The following EFCAB6 variants were observed in gnomAD, a reference collection of about 807,000 sequenced individuals.
EFCAB6 encodes EF-hand calcium-binding domain-containing protein 6.
Under a neutral mutation model 169.8 loss-of-function variants are expected in EFCAB6, and 156 were observed. The ratio of observed to expected loss-of-function variants is 0.92; its 90% CI spans 0.81 to 1.05. EFCAB6 has a LOEUF of 1.05. Among genes scored for constraint, EFCAB6 ranks in the 50% least tolerant of loss-of-function variants. EFCAB6 has a pLI of 0.00. For missense variants in EFCAB6, 1,800 were observed against 1,829.1 expected, an observed-to-expected ratio of 0.98 and a Z score of 0.29; for synonymous variants, 698 against 676.4, an observed-to-expected ratio of 1.03 and a Z score of -0.50.
At chr22:43,561,778 G>C (rs1243581778) in intron 26 of EFCAB6, among the ~76,000 whole-genome samples, 2 of 152,084 alleles carry the variant, frequency 1.3e-5, no homozygotes, top group Non-Finnish European at 2.9e-5. Flanking sequence ...ATATCTGAAT[G>C]GGGGAAAAAA....
At chr22:43,621,573 A>G (rs1018088877) in intron 20 of EFCAB6, among the ~76,000 whole-genome samples, 1 of 152,196 alleles carries the variant, frequency 6.6e-6, no homozygotes, top group Non-Finnish European at 1.5e-5. Context: ...GGGGAAATAC[A>G]TTACATTAAC....
At chr22:43,595,910 G>A (rs1362440500) in intron 23 of EFCAB6, among the ~76,000 whole-genome samples, 1 of 152,090 alleles carries the variant, frequency 6.6e-6, no homozygotes, top group Non-Finnish European at 1.5e-5. Context: ...TGATCAAGTG[G>A]AATTCATCCC....
chr22:43,723,396 C>G (rs1348506542), intron 8 of EFCAB6, among the ~76,000 whole-genome samples: 1 of 152,066 alleles, frequency 6.6e-6, no homozygotes, highest in Non-Finnish European at 1.5e-5. Context: ...GTGCAGTATA[C>G]CTGTGTAACA....
chr22:43,677,795 T>G (rs2057829778), intron 13 of EFCAB6, among the ~76,000 whole-genome samples: 1 of 151,944 alleles, frequency 6.6e-6, no homozygotes, highest in South Asian at 2.1e-4. Context: ...GAAACGTCAA[T>G]TACCATCCTT....
In EFCAB6 at chr22:43,554,664, G is replaced by A. The variant is rs8139978; in HGVS notation, c.3648+205C>T. 5.6e-4 allele frequency: 332 copies of A among 590,142 alleles called. 3 individuals carry two copies. Among genetic ancestry groups the A allele is most frequent in the African/African-American group, 5.5e-3 (298 of 53,818 alleles). 36.6% of individuals were successfully genotyped at this position (590,142 alleles called of 1,614,324 possible). A position where few individuals can be genotyped will look rare whatever the true frequency, so the allele number is the denominator to read the frequency against. Reference sequence around the variant, plus strand: ...TTTAAAGGCAACAGTGACAGTATTTGTACCCTGATGAAAATGGTGTAATTT... The same window carrying A: ...TTTAAAGGCAACAGTGACAGTATTTATACCCTGATGAAAATGGTGTAATTT... On this transcript the variant is annotated intron_variant, in intron 27 of 31. Transcript: ENST00000262726.
At chr22:43,596,465 A>C (rs759956807) in intron 23 of EFCAB6, among the ~76,000 whole-genome samples, 5 of 152,044 alleles carry the variant, frequency 3.3e-5, no homozygotes, top group Non-Finnish European at 5.9e-5. Context: ...TGATCAATCC[A>C]AAAAAGAAAT....
intron 24 of EFCAB6, among the ~76,000 whole-genome samples, chr22:43,581,448 C>T (rs768665732): frequency 5.3e-5 from 8 of 152,304 alleles, no homozygotes; most frequent in Non-Finnish European, 1.0e-4. Context: ...ATCTCCTTGA[C>T]TCTGACACAG....
At chr22:43,770,984 G>C (rs2061451293) in intron 4 of EFCAB6, among the ~76,000 whole-genome samples, 1 of 152,002 alleles carries the variant, frequency 6.6e-6, no homozygotes, top group Non-Finnish European at 1.5e-5. Context: ...TAGAATTTGG[G>C]AATGCCTGAA....
chr22:43,586,340 A>ATTTTTTTTTTTTTTTTTT lies in EFCAB6; in HGVS notation c.3032+3716_3032+3733dup, dbSNP rs36058832. Among the ~76,000 whole-genome samples, 278 of 72,906 alleles carry ATTTTTTTTTTTTTTTTTT rather than the reference A, an allele frequency of 3.8e-3. 25 individuals are homozygous for ATTTTTTTTTTTTTTTTTT. Among genetic ancestry groups the ATTTTTTTTTTTTTTTTTT allele is most frequent in the Middle Eastern group, 0.012 (1 of 86 alleles). 47.8% of individuals were successfully genotyped at this position (72,906 alleles called of 152,430 possible). On this transcript the variant is annotated intron_variant, in intron 24 of 31. Transcript: ENST00000262726. ...ACTGTAAACTCTTGAGCAACAACTG[A>ATTTTTTTTTTTTTTTTTT]TTTTTTTTTTTTTTTTTTTTTTTTT...
chr22:43,782,423 A>T, intron 2 of EFCAB6, 98 bp from the exon 3 acceptor site: 2 of 1,052,918 alleles, frequency 1.9e-6, no homozygotes, highest in Non-Finnish European at 2.8e-6. Flanking sequence ...GGACAGCTGC[A>T]GAGTGTAAAA....
At chr22:43,704,177 T>A (rs1163442974) in intron 10 of EFCAB6, among the ~76,000 whole-genome samples, 1 of 152,034 alleles carries the variant, frequency 6.6e-6, no homozygotes, top group Admixed American at 6.5e-5. Context: ...ATCAGCAGAT[T>A]TCTCCACAGA....
At chr22:43,638,112 G>A (rs1271104045) in intron 17 of EFCAB6, among the ~76,000 whole-genome samples, 1 of 152,170 alleles carries the variant, frequency 6.6e-6, no homozygotes, top group Non-Finnish European at 1.5e-5. Flanking sequence ...CGCTGCAAGT[G>A]CCATTCCCAG....
rs539552442 is a variant in EFCAB6, at chr22:43,657,457, GTTTTGGAAAT to G, written c.1983+9637_1983+9646del. ...AAAAAAACACTAGAAAATCCCAACTGTTTTGGAAATTAAATACATTTTAAAAATAAACCAT... is the reference window on the plus strand; with the variant it reads ...AAAAAAACACTAGAAAATCCCAACTGTAAATACATTTTAAAAATAAACCAT... On this transcript the variant is annotated intron_variant, in intron 17 of 31. Transcript: ENST00000262726. Among the ~76,000 whole-genome samples, 432 of 150,378 alleles carry G rather than the reference GTTTTGGAAAT, an allele frequency of 2.9e-3. 2 individuals are homozygous for G. Among genetic ancestry groups the G allele is most frequent in the Middle Eastern group, 0.028 (8 of 290 alleles).
chr22:43,752,116 A>ATTTTTTTTT (rs33992120), intron 6 of EFCAB6, among the ~76,000 whole-genome samples: 1 of 123,454 alleles, frequency 8.1e-6, no homozygotes, highest in Non-Finnish European at 1.6e-5. Flanking sequence ...TCTCCTTTCC[A>ATTTTTTTTT]TTTTTTTTTT....
intron 5 of EFCAB6, among the ~76,000 whole-genome samples, chr22:43,761,706 A>T (rs997313844): frequency 6.6e-6 from 1 of 151,942 alleles, no homozygotes; most frequent in Non-Finnish European, 1.5e-5. Context: ...TGTAGTCCTC[A>T]TTCTTTGATA....
intron 1 of EFCAB6, among the ~76,000 whole-genome samples, chr22:43,809,996 GT>G (rs1321868379): frequency 6.6e-6 from 1 of 152,120 alleles, no homozygotes; most frequent in African/African-American, 2.4e-5. Context: ...AAACTCTTGG[GT>G]TCAAGTGATC....
intron 21 of EFCAB6, among the ~76,000 whole-genome samples, chr22:43,610,946 C>T (rs533905483): frequency 2.6e-5 from 4 of 152,292 alleles, no homozygotes; most frequent in Non-Finnish European, 2.9e-5. Context: ...GAGAGACAGA[C>T]AGGTGAATAC....
intron 22 of EFCAB6, among the ~76,000 whole-genome samples, chr22:43,602,048 A>C (rs2052561296): frequency 6.6e-6 from 1 of 152,236 alleles, no homozygotes; most frequent in South Asian, 2.1e-4. Context: ...AGAGGGCTCT[A>C]GGTAAATACC....
intron 6 of EFCAB6, among the ~76,000 whole-genome samples, chr22:43,748,365 A>G (rs567683675): frequency 7.3e-4 from 111 of 152,334 alleles, no homozygotes; most frequent in Non-Finnish European, 1.3e-3. Context: ...ACTCTACAGA[A>G]TAGCCGCAGG....
Sources: allele counts gnomAD v4.1 joint callset (sites outside exome capture counted in the v4.1 genomes callset), GRCh38; gene constraint gnomAD v4.1.1; transcripts MANE v1.5; gene names NCBI Gene and HGNC (gene_info 2026-07-23, HGNC 2026-07-21).